NAGPA: variants seen among roughly 807,000 people sequenced by gnomAD.
NAGPA encodes the protein alpha-N-acetylglucosaminyl phosphodiesterase.
A neutral mutation model predicts 48.5 loss-of-function variants in NAGPA; 56 were observed. That is an observed-to-expected ratio of 1.15 (90% CI 0.93 to 1.44). The LOEUF is 1.44. Among genes scored for constraint, NAGPA ranks in the 40% most tolerant of loss-of-function variants. The probability of loss-of-function intolerance (pLI) is 0.00; values close to 1 mark genes in which losing one functional copy is unlikely to be tolerated. For missense variants in NAGPA, 888 were observed against 735.0 expected (o/e 1.21, Z -2.41); for synonymous variants, 399 against 315.5 (o/e 1.26, Z -2.81).
At chr16:5,029,083 T>C (rs571159663) in intron 4 of NAGPA, 75 bp from the exon 5 acceptor site, 103 of 1,599,170 alleles carry the variant, frequency 6.4e-5, no homozygotes, top group Non-Finnish European at 8.6e-5. Flanking sequence ...CCTTCCACAG[T>C]GCAGAGCATC....
At chr16:5,030,105 G>C (rs1478416502) in intron 4 of NAGPA, 4 of 548,042 alleles carry the variant, frequency 7.3e-6, no homozygotes, top group Admixed American at 3.1e-5. Flanking sequence ...GCTGGGATTG[G>C]AACCAAGATC....
chr16:5,026,533 C>G (rs1347416684), intron 9 of NAGPA, among the ~76,000 whole-genome samples: 1 of 145,966 alleles, frequency 6.9e-6, no homozygotes, highest in Non-Finnish European at 1.5e-5. Flanking sequence ...GACCCCGTCT[C>G]AAAAAAAAAA....
rs541771875 is a variant in NAGPA at position 5,030,367 on chromosome 16, T to G, written c.791+18A>C. 4.8e-5 allele frequency: 75 copies of G among 1,549,402 alleles called. No homozygotes were observed. Among genetic ancestry groups the G allele is most frequent in the Non-Finnish European group, 6.4e-5 (73 of 1,146,052 alleles). The stretch of plus-strand genomic sequence containing the variant: ...AGGACTGAGCCCCGGCCGGGGGGCC[T>G]CAGCTCCCAGGACTCACCCACGCTG... On this transcript the variant is annotated intron_variant, in intron 4 of 9. Coordinates refer to ENST00000312251, the MANE Select transcript of NAGPA (RefSeq NM_016256.4).
Position 5,028,971 on chromosome 16 carries a change from G to C in NAGPA, c.829C>G (p.Gln277Glu), listed in dbSNP as rs1027719796. 1 of 1,613,812 alleles carries C rather than the reference G, an allele frequency of 6.2e-7. No individual in the cohort carries two copies. The highest frequency in any genetic ancestry group is 8.5e-7 in the Non-Finnish European group (1 of 1,180,054). Residue 277 changes from glutamine to glutamate, a missense_variant, in exon 5 of 10, where the codon CAG (glutamine) becomes GAG (glutamate). Gln to Glu is a conservative substitution (Grantham distance 29). Coordinates refer to ENST00000312251, the MANE Select transcript of NAGPA (RefSeq NM_016256.4). ...AGGTTGATGGCGTTGACCACGTCCTGTTTCAGCAGGAACTCCGCCATTTCC... is the reference window on the plus strand; with the variant it reads ...AGGTTGATGGCGTTGACCACGTCCTCTTTCAGCAGGAACTCCGCCATTTCC... ...LWEMAEFLLK[Q>E]DVVNAINLDG...
rs1250813721 is a variant in NAGPA, at chr16:5,033,019, G to T, written c.542+254C>A. On this transcript the variant is annotated intron_variant, in intron 2 of 9. Coordinates refer to ENST00000312251, the MANE Select transcript of NAGPA (RefSeq NM_016256.4). The surrounding 1 kb of genome is among the most constrained non-coding windows in gnomAD (Gnocchi z 4.2). ...GCTTTTGTTGATTTTTCTAGTAATG[G>T]GGGAGGGCTGTTAAGGCAAAGACTG... 1 of 582,608 alleles carries T rather than the reference G, an allele frequency of 1.7e-6. No individual in the cohort carries two copies. Among genetic ancestry groups the T allele is most frequent in the African/African-American group, 1.9e-5 (1 of 53,146 alleles). 36.1% of individuals were successfully genotyped at this position (582,608 alleles called of 1,614,324 possible).
chr16:5,033,390 C>A lies in NAGPA; in HGVS notation c.425G>T (p.Arg142Leu), dbSNP rs752989286. The change falls in exon 2 of 10, where the codon CGC (arginine) becomes CTC (leucine). Residue 142 changes from arginine (R) to leucine (L), a missense_variant. Coordinates refer to ENST00000312251, the MANE Select transcript of NAGPA (RefSeq NM_016256.4). This position sits in a 1 kb window ranked among gnomAD's most constrained non-coding sequence, Gnocchi z 4.2. ...CCCCAGGCACTCGCCCGAGTTCATG[C>A]GGAAGAAGCCGCCGTTCTGGGCGAC... ...CRVAQNGGFF[R>L]MNSGECLGNV... 5 of 1,596,616 alleles carry A rather than the reference C, an allele frequency of 3.1e-6. No homozygotes were observed. The highest frequency in any genetic ancestry group is 2.2e-5 in the East Asian group (1 of 44,758).
chr16:5,029,167 T>G, intron 4 of NAGPA, 159 bp from the exon 5 acceptor site: 1 of 1,231,438 alleles, frequency 8.1e-7, no homozygotes, highest in East Asian at 2.5e-5. Flanking sequence ...CCGGAAGCTG[T>G]GAACACGTGA....
rs1327340771 is a variant in NAGPA at position 5,033,839 on chromosome 16, G to A, written c.76C>T (p.Leu26Phe). The A allele has an allele frequency of 5.2e-6, 8 of 1,550,638 alleles. No individual in the cohort carries two copies. The highest frequency in any genetic ancestry group is 1.4e-5 in the African/African-American group (1 of 73,110). The change falls in exon 1 of 10, where the codon CTC becomes TTC. Residue 26 changes from leucine (L) to phenylalanine (F), a missense_variant. By Grantham distance (22) the Leu-to-Phe change is conservative. Coordinates refer to ENST00000312251, the MANE Select transcript of NAGPA (RefSeq NM_016256.4). This position sits in a 1 kb window ranked among gnomAD's most constrained non-coding sequence, Gnocchi z 4.2. ...FGFLWEASGGLDSGASRDDDL... is the reference protein window; with the variant it reads ...FGFLWEASGGFDSGASRDDDL... The stretch of plus-strand genomic sequence containing the variant: ...GGGAGCTGCACTCACCCCGAGTCGA[G>A]GCCGCCGGACGCTTCCCAGAGGAAG...
chr16:5,026,781 G>A (rs1431419114), intron 9 of NAGPA, among the ~76,000 whole-genome samples: 1 of 152,138 alleles, frequency 6.6e-6, no homozygotes, highest in Non-Finnish European at 1.5e-5. Context: ...CGTGCCTGTC[G>A]TCCTAGCTAC....
At position 5,033,476 on chromosome 16, in the gene NAGPA, G is replaced by T; in HGVS notation, c.339C>A (p.Gly113=). 1 of 1,575,286 alleles carries T rather than the reference G, an allele frequency of 6.3e-7. No individual in the cohort carries two copies. The highest frequency in any genetic ancestry group is 2.3e-5 in the East Asian group (1 of 43,442). Residue 113 remains glycine (G), a synonymous_variant, in exon 2 of 10, where the codon GGC becomes GGA. Transcript: ENST00000312251. This position sits in a 1 kb window ranked among gnomAD's most constrained non-coding sequence, Gnocchi z 4.2. The stretch of plus-strand genomic sequence containing the variant: ...TGGCGCGTCGTCTCGCCGCGCAGCC[G>T]CCGGGTCCACCGGGCTCCAGCACCG... ...TFSVLEPGGP[G]GCAARRRATV...
At position 5,030,615 on chromosome 16, in the gene NAGPA, G is replaced by C. The variant is rs183171393; in HGVS notation, c.683-122C>G. ...CCCTGGGAAGCACAGCAGCCTCCTT[G>C]CTCGTCTCCCTGCCTCCCCTCTGCA... On this transcript the variant is annotated intron_variant, in intron 3 of 9. Coordinates refer to ENST00000312251, the MANE Select transcript of NAGPA (RefSeq NM_016256.4). 381 of 821,082 alleles carry C rather than the reference G, an allele frequency of 4.6e-4. 5 individuals carry two copies. The East Asian group carries it at 0.01, about 22-fold the overall frequency. The allele number at this position is 821,082 out of a possible 1,614,324, so 50.9% of individuals were successfully genotyped here. A position where few individuals can be genotyped will look rare whatever the true frequency, so the allele number is the denominator to read the frequency against.
intron 5 of NAGPA, 174 bp from the exon 6 acceptor site, chr16:5,028,359 T>C (rs1322815401): frequency 3.1e-6 from 4 of 1,270,818 alleles, no homozygotes; most frequent in Non-Finnish European, 3.3e-6. Flanking sequence ...CCGAGCCTCC[T>C]GAGCAGCTGT....
At chr16:5,031,982 C>A (rs1956108103) in intron 2 of NAGPA, 98 bp from the exon 3 acceptor site, 1 of 1,531,384 alleles carries the variant, frequency 6.5e-7, no homozygotes, top group Admixed American at 1.7e-5. Flanking sequence ...CTGCTAGATT[C>A]CCCCTCATGC....
In NAGPA at chr16:5,031,813, A is replaced by G. The variant is rs1462128562; in HGVS notation, c.614T>C (p.Leu205Pro). The G allele has an allele frequency of 1.2e-6, 2 of 1,614,096 alleles. No homozygotes were observed. The highest frequency in any genetic ancestry group is 1.7e-6 in the Non-Finnish European group (2 of 1,180,006). The change falls in exon 3 of 10, where the codon CTG becomes CCG. Residue 205 changes from leucine to proline, a missense_variant. By Grantham distance (98) the Leu-to-Pro change is moderately conservative. Transcript: ENST00000312251. ...GATGTAGATGCTTCCATTACGAATCAGCCACACGACCCCACTCAGCAGCTG... is the reference window on the plus strand; with the variant it reads ...GATGTAGATGCTTCCATTACGAATCGGCCACACGACCCCACTCAGCAGCTG... ...FVQLLSGVVW[L>P]IRNGSIYINE...
intron 5 of NAGPA, chr16:5,028,556 C>T (rs557610399): frequency 1.1e-5 from 6 of 556,032 alleles, no homozygotes; most frequent in Non-Finnish European, 1.6e-5. Flanking sequence ...TTTATAGGTT[C>T]CTCCGCTCCC....
At chr16:5,028,238 C>G in intron 5 of NAGPA, 53 bp from the exon 6 acceptor site, 1 of 1,546,670 alleles carries the variant, frequency 6.5e-7, no homozygotes, top group South Asian at 1.2e-5. Context: ...GGCCCCTCAA[C>G]TCCCTCCAGG....
Position 5,028,373 on chromosome 16 carries a change from C to T in NAGPA, c.921-188G>A, listed in dbSNP as rs562301443. 4.7e-5 allele frequency: 54 copies of T among 1,151,022 alleles called. No homozygotes were observed. In the Middle Eastern group the frequency reaches 5.8e-4, roughly 12 times the overall value. 71.3% of individuals were successfully genotyped at this position (1,151,022 alleles called of 1,614,324 possible). A position where few individuals can be genotyped will look rare whatever the true frequency, so the allele number is the denominator to read the frequency against. On this transcript the variant is annotated intron_variant, in intron 5 of 9. Coordinates refer to ENST00000312251, the MANE Select transcript of NAGPA (RefSeq NM_016256.4). ...CCCGAGCCTCCTGAGCAGCTGTAAC[C>T]GTAAGGTGTGCACCATCACGCCTGC...
At chr16:5,030,065 T>G (rs1956072660) in intron 4 of NAGPA, 1 of 484,756 alleles carries the variant, frequency 2.1e-6, no homozygotes, top group Non-Finnish European at 3.8e-6. Context: ...GTCTACGGCA[T>G]AGGTGGGTAG....
rs754538457 is a variant in NAGPA at position 5,033,380 on chromosome 16, C to T, written c.435G>A (p.Ser145=). The change falls in exon 2 of 10, where the codon TCG becomes TCA. Residue 145 remains serine, a synonymous_variant. Coordinates refer to ENST00000312251, the MANE Select transcript of NAGPA (RefSeq NM_016256.4). The surrounding 1 kb of genome is among the most constrained non-coding windows in gnomAD (Gnocchi z 4.2). Reference sequence around the variant, plus strand: ...TCACCACGTTCCCCAGGCACTCGCCCGAGTTCATGCGGAAGAAGCCGCCGT... The same window carrying T: ...TCACCACGTTCCCCAGGCACTCGCCTGAGTTCATGCGGAAGAAGCCGCCGT... The part of the protein sequence containing the change: ...AQNGGFFRMN[S]GECLGNVVSD... 2.5e-6 allele frequency: 4 copies of T among 1,597,322 alleles called. No homozygotes were observed. In the Admixed American group the frequency reaches 5.0e-5, roughly 20 times the overall value.
Sources: gnomAD v4.1 joint callset for allele counts (sites outside exome capture counted in the v4.1 genomes callset) on GRCh38, gnomAD v4.1.1 for gene constraint, Gnocchi (gnomAD v3.1) non-coding constraint, MANE v1.5 for transcripts, NCBI Gene and HGNC (gene_info 2026-07-23, HGNC 2026-07-21) for gene names.